Variants in ENAH observed in about 807,000 individuals in gnomAD.
ENAH encodes the protein protein enabled homolog.
In ENAH, 23 loss-of-function variants were observed where a neutral mutation model predicts 78.7. That is an observed-to-expected ratio of 0.29 (90% confidence interval 0.21 to 0.41). The LOEUF is 0.41. ENAH is among the 10% of genes least tolerant of loss of function. The pLI is 1.00. For synonymous variants in ENAH, 226 were observed against 241.0 expected, an observed-to-expected ratio of 0.94 and a Z score of 0.58; for missense variants, 544 against 691.0, an observed-to-expected ratio of 0.79 and a Z score of 2.39.
intron 1 of ENAH, among the ~76,000 whole-genome samples, chr1:225,569,911 G>A (rs1047799771): frequency 3.3e-5 from 5 of 152,144 alleles, no homozygotes; most frequent in Non-Finnish European, 1.5e-5. Context: ...AGCCCTAGAA[G>A]ATATCAGGCA....
intron 1 of ENAH, among the ~76,000 whole-genome samples, chr1:225,584,729 T>C (rs1252924370): frequency 6.6e-6 from 1 of 151,056 alleles, no homozygotes; most frequent in Non-Finnish European, 1.5e-5. Context: ...CAAAGTAACA[T>C]AAAAAAAGGA....
intron 5 of ENAH, chr1:225,517,970 G>A (rs2151159112): frequency 1.9e-6 from 3 of 1,543,920 alleles, no homozygotes; most frequent in East Asian, 4.9e-5. Context: ...GCGTTATACA[G>A]GGAGCTGTCT....
intron 1 of ENAH, among the ~76,000 whole-genome samples, chr1:225,606,704 G>A (rs575819278): frequency 5.9e-5 from 9 of 151,598 alleles, no homozygotes; most frequent in East Asian, 2.0e-4. Context: ...CTAGCTGGAC[G>A]TGGTGGAGTG....
intron 3 of ENAH, among the ~76,000 whole-genome samples, chr1:225,542,233 T>C (rs1027929231): frequency 2.6e-5 from 4 of 152,188 alleles, no homozygotes; most frequent in African/African-American, 9.6e-5. Context: ...AGTGACTCTA[T>C]GAATAACGCC....
intron 1 of ENAH, among the ~76,000 whole-genome samples, chr1:225,588,446 C>T (rs1409381270): frequency 1.3e-5 from 2 of 152,156 alleles, no homozygotes; most frequent in Non-Finnish European, 2.9e-5. Context: ...AGCAGGATGG[C>T]TAAAACATGG....
At chr1:225,500,418 T>C (rs2096275485) in intron 12 of ENAH, among the ~76,000 whole-genome samples, 1 of 152,204 alleles carries the variant, frequency 6.6e-6, no homozygotes, top group Non-Finnish European at 1.5e-5. Flanking sequence ...CTGTTCACAA[T>C]TTACTATTAA....
chr1:225,545,944 A>T (rs1322814257), intron 3 of ENAH, among the ~76,000 whole-genome samples: 1 of 128,636 alleles, frequency 7.8e-6, no homozygotes. Context: ...TTTTAAAGAC[A>T]CAGGGCCTCA....
chr1:225,625,227 A>G (rs1657733450), intron 1 of ENAH, among the ~76,000 whole-genome samples: 1 of 152,246 alleles, frequency 6.6e-6, no homozygotes, highest in African/African-American at 2.4e-5. Flanking sequence ...AAGATAAAGT[A>G]AATATGAAAT....
In ENAH at chr1:225,652,749, AGG is replaced by A. The variant is rs200923180; in HGVS notation, c.-61_-60del. ...GGGAGACGCAGAAGGCGCCGAGCCG[AGG>A]GGGGGGTCTCTCCTCCAGGGGTGGG... On this transcript the variant is annotated 5_prime_UTR_variant, in exon 1 of 14. Coordinates refer to ENST00000366843, the MANE Select transcript of ENAH (RefSeq NM_018212.6). The A allele has an allele frequency of 7.7e-7, 1 of 1,292,082 alleles. No individual in the cohort carries two copies. The highest frequency in any genetic ancestry group is 9.8e-7 in the Non-Finnish European group (1 of 1,020,320). The allele number at this position is 1,292,082 out of a possible 1,614,324, so 80.0% of individuals were successfully genotyped here.
intron 2 of ENAH, among the ~76,000 whole-genome samples, chr1:225,558,783 G>A (rs535485520): frequency 5.3e-5 from 8 of 151,932 alleles, no homozygotes; most frequent in South Asian, 2.1e-4. Context: ...ACAGGCGCCC[G>A]CCAACACACC....
At chr1:225,588,232 C>T (rs1297332875) in intron 1 of ENAH, among the ~76,000 whole-genome samples, 1 of 152,020 alleles carries the variant, frequency 6.6e-6, no homozygotes, top group African/African-American at 2.4e-5. Flanking sequence ...ATAGGCAAGG[C>T]ACAGATGAAG....
At position 225,494,049 on chromosome 1, in the gene ENAH, T is replaced by C. The variant is rs376780025; in HGVS notation, c.*3726A>G. On this transcript the variant is annotated 3_prime_UTR_variant, in exon 14 of 14. Coordinates refer to ENST00000366843, the MANE Select transcript of ENAH (RefSeq NM_018212.6). ...TTACATATGAAGAGAAGCAAGAACATGAGACAGGCTAGAGCAAAAAAAAAA... is the reference window on the plus strand; with the variant it reads ...TTACATATGAAGAGAAGCAAGAACACGAGACAGGCTAGAGCAAAAAAAAAA... 4.9e-3 allele frequency: 435 copies of C among 88,228 alleles called. 2 individuals are homozygous for C. The highest frequency in any genetic ancestry group is 0.018 in the African/African-American group (423 of 23,372). The allele number at this position is 88,228 out of a possible 1,614,324, so 5.5% of individuals were successfully genotyped here.
intron 1 of ENAH, among the ~76,000 whole-genome samples, chr1:225,635,919 C>A (rs1405857724): frequency 6.6e-6 from 1 of 152,204 alleles, no homozygotes; most frequent in African/African-American, 2.4e-5. Flanking sequence ...TACAGAAATC[C>A]TCCTGTTTTG....
chr1:225,513,092 CAG>C, intron 7 of ENAH, 76 bp from the exon 8 acceptor site: 1 of 1,255,046 alleles, frequency 8.0e-7, no homozygotes, highest in Non-Finnish European at 1.1e-6. Flanking sequence ...ACATCTAAAA[CAG>C]AAGGAAACAT....
intron 3 of ENAH, among the ~76,000 whole-genome samples, chr1:225,548,682 T>C (rs764910151): frequency 5.9e-5 from 9 of 152,132 alleles, no homozygotes; most frequent in African/African-American, 1.7e-4. Flanking sequence ...TAATTGGAAA[T>C]TGGGAGTGAC....
chr1:225,511,726 T>C (rs2096378160), intron 10 of ENAH, 85 bp downstream of exon 10: 3 of 956,796 alleles, frequency 3.1e-6, no homozygotes, highest in Middle Eastern at 3.2e-4. Flanking sequence ...TTGGTCCAAA[T>C]ATGGGGAAAG....
chr1:225,514,719 TGGA>T lies in ENAH; in HGVS notation c.1092_1094del (p.Pro368del). The stretch of plus-strand genomic sequence containing the variant: ...CAGGGAGGGGTGGGGCAGGAGGTGG[TGGA>T]GGAGGAGGGGGTACTTGATTAGGGA... On this transcript the variant is annotated inframe_deletion, in exon 7 of 14. Coordinates refer to ENST00000366843, the MANE Select transcript of ENAH (RefSeq NM_018212.6). 6.9e-6 allele frequency: 7 copies of T among 1,008,208 alleles called. No homozygotes were observed. Among genetic ancestry groups the T allele is most frequent in the South Asian group, 1.5e-5 (1 of 66,576 alleles). The allele number at this position is 1,008,208 out of a possible 1,614,324, so 62.5% of individuals were successfully genotyped here.
chr1:225,575,418 G>A (rs2096783611), intron 1 of ENAH, among the ~76,000 whole-genome samples: 1 of 152,100 alleles, frequency 6.6e-6, no homozygotes, highest in Admixed American at 6.5e-5. Context: ...GATAAACTCT[G>A]GCTTCACAGC....
At position 225,593,419 on chromosome 1, in the gene ENAH, G is replaced by GTGT. The variant is rs2096887734; in HGVS notation, c.6-26006_6-26005insACA. On this transcript the variant is annotated intron_variant, in intron 1 of 13. Coordinates refer to ENST00000366843, the MANE Select transcript of ENAH (RefSeq NM_018212.6). ...TGTGTGTGGGGGGGGGGGGGGGGGT[G>GTGT]GGGGGTGCCCTAGTATGAGAACCCA... Among the ~76,000 whole-genome samples, 2 of 38,846 alleles carry GTGT rather than the reference G, an allele frequency of 5.1e-5. 1 individual carries two copies. Among genetic ancestry groups the GTGT allele is most frequent in the South Asian group, 2.5e-3 (2 of 790 alleles). 25.5% of individuals were successfully genotyped at this position (38,846 alleles called of 152,430 possible).
Sources: allele counts gnomAD v4.1 joint callset (sites outside exome capture counted in the v4.1 genomes callset), GRCh38; gene constraint gnomAD v4.1.1; transcripts MANE v1.5; gene names NCBI Gene and HGNC (gene_info 2026-07-23, HGNC 2026-07-21).